ESS2: variants seen among roughly 807,000 people sequenced by gnomAD.
ESS2 encodes ess-2 spliceosome associated protein, also known as splicing factor ESS-2 homolog.
Under a neutral mutation model 52.0 loss-of-function variants are expected in ESS2, and 31 were observed. That is an observed-to-expected ratio of 0.60 (90% CI 0.45 to 0.81). The LOEUF (loss-of-function observed/expected upper bound fraction) is 0.81. Among genes scored for constraint, ESS2 ranks in the 30% least tolerant of loss-of-function variants. ESS2 has a pLI of 0.00. For synonymous variants in ESS2, 285 were observed against 259.2 expected (o/e 1.10, Z -0.95); for missense variants, 602 against 637.2 (o/e 0.94, Z 0.59).
chr22:19,130,980 C>T lies in ESS2; in HGVS notation c.*3216G>A, dbSNP rs1482112447. ...AAACCCACCCTAGTGGGACAAAGAC[C>T]AATGCAGGGTCAGTCCCCACAGCCA... On this transcript the variant is annotated 3_prime_UTR_variant, in exon 10 of 10. Coordinates refer to ENST00000252137, the MANE Select transcript of ESS2 (RefSeq NM_022719.3). 1 of 206,418 alleles carries T rather than the reference C, an allele frequency of 4.8e-6. No individual in the cohort carries two copies. Among genetic ancestry groups the T allele is most frequent in the African/African-American group, 2.3e-5 (1 of 42,750 alleles). 12.8% of individuals were successfully genotyped at this position (206,418 alleles called of 1,614,324 possible). A position where few individuals can be genotyped will look rare whatever the true frequency, so the allele number is the denominator to read the frequency against.
In ESS2 at chr22:19,133,639, A is replaced by G. The variant is rs561448605; in HGVS notation, c.*557T>C. On this transcript the variant is annotated 3_prime_UTR_variant, in exon 10 of 10. Coordinates refer to ENST00000252137, the MANE Select transcript of ESS2 (RefSeq NM_022719.3). ...GGCAAGCCCAGAGTGGAGGCTGCAG[A>G]CCTGGGCCCAGAACCGCAGGGGAAC... is the stretch of plus-strand genomic sequence containing the variant. 4.5e-4 allele frequency: 69 copies of G among 152,562 alleles called. No homozygotes were observed. Among genetic ancestry groups the G allele is most frequent in the Non-Finnish European group, 8.5e-4 (58 of 68,246 alleles). 9.5% of individuals were successfully genotyped at this position (152,562 alleles called of 1,614,324 possible).
At position 19,135,125 on chromosome 22, in the gene ESS2, C is replaced by T. The variant is rs1394464478; in HGVS notation, c.1086G>A (p.Glu362=). The change falls in exon 9 of 10, where the codon GAG becomes GAA. Residue 362 remains glutamate, a synonymous_variant. Coordinates refer to ENST00000252137, the MANE Select transcript of ESS2 (RefSeq NM_022719.3). ...TCTTGGCCCGGTTCTTGGCAGCGGC[C>T]TCGTTGGCCATCTTCAGACCCAGCC... ...RERLGLKMAN[E]AAAKNRAKKQ... 6.2e-7 allele frequency: 1 copy of T among 1,613,986 alleles called. No homozygotes were observed. Among genetic ancestry groups the T allele is most frequent in the African/African-American group, 1.3e-5 (1 of 74,950 alleles).
At position 19,139,896 on chromosome 22, in the gene ESS2, G is replaced by A. The variant is rs200014767; in HGVS notation, c.529C>T (p.Arg177Cys). The change falls in exon 4 of 10, where the codon CGC becomes TGC. Residue 177 changes from arginine to cysteine, a missense_variant. Arg to Cys is a radical substitution (Grantham distance 180). Transcript: ENST00000252137. Reference protein sequence around the residue: ...MEVAKERSRARHAWLYQAEEE... With the variant: ...MEVAKERSRACHAWLYQAEEE... ...TCAGCCTGGTAGAGCCAAGCGTGGC[G>A]TGCCCGGCTTCTCTCCTTGGCCACC... 1.4e-4 allele frequency: 219 copies of A among 1,614,010 alleles called. No individual in the cohort carries two copies. Among genetic ancestry groups the A allele is most frequent in the Admixed American group, 1.0e-4 (6 of 60,008 alleles).
rs2083498013 is a variant in ESS2 at position 19,130,640 on chromosome 22, T to C, written c.*3556A>G. ...CAGCTGCCTGTTCCCTTAACTTGTC[T>C]TCAGATTTTGTCGACCCGAGATGGG... is the stretch of plus-strand genomic sequence containing the variant. On this transcript the variant is annotated 3_prime_UTR_variant, in exon 10 of 10. Coordinates refer to ENST00000252137, the MANE Select transcript of ESS2 (RefSeq NM_022719.3). The C allele has an allele frequency of 9.4e-5, 31 of 331,218 alleles. No individual in the cohort carries two copies. Among genetic ancestry groups the C allele is most frequent in the South Asian group, 8.2e-4 (31 of 38,006 alleles). The allele number at this position is 331,218 out of a possible 1,614,324, so 20.5% of individuals were successfully genotyped here.
At chr22:19,144,029 A>C (rs2083741494) in intron 1 of ESS2, 1 of 990,000 alleles carries the variant, frequency 1.0e-6, no homozygotes, top group African/African-American at 1.7e-5. Context: ...AGGTGTCCCG[A>C]ATTAAACAGG....
intron 1 of ESS2, chr22:19,144,041 C>G: frequency 7.0e-6 from 7 of 996,310 alleles, no homozygotes; most frequent in Non-Finnish European, 8.4e-6. Flanking sequence ...TTAAACAGGT[C>G]TAAAACCAAA....
rs1023657467 is a variant in ESS2 at position 19,132,614 on chromosome 22, T to C, written c.*1582A>G. On this transcript the variant is annotated 3_prime_UTR_variant, in exon 10 of 10. Transcript: ENST00000252137. The surrounding 1 kb of genome is among the most constrained non-coding windows in gnomAD (Gnocchi z 4.2). ...GTAAAATTCGTCAATTAAACCACTA[T>C]TTTGATTACGTTCCATTAGCTTTCT... The C allele has an allele frequency of 5.9e-6, 5 of 845,632 alleles. No homozygotes were observed. The South Asian group carries it at 8.4e-5, about 14-fold the overall frequency. 52.4% of individuals were successfully genotyped at this position (845,632 alleles called of 1,614,324 possible). A position where few individuals can be genotyped will look rare whatever the true frequency, so the allele number is the denominator to read the frequency against.
chr22:19,144,131 G>A (rs2083743396), intron 1 of ESS2: 3 of 1,044,178 alleles, frequency 2.9e-6, no homozygotes, highest in African/African-American at 3.4e-5. Flanking sequence ...CACTCGAGAT[G>A]CTGTCACAAC....
At position 19,131,210 on chromosome 22, in the gene ESS2, C is replaced by G. The variant is rs1173122385; in HGVS notation, c.*2986G>C. 1.7e-6 allele frequency: 1 copy of G among 590,808 alleles called. No individual in the cohort carries two copies. The highest frequency in any genetic ancestry group is 2.8e-5 in the East Asian group (1 of 35,266). 36.6% of individuals were successfully genotyped at this position (590,808 alleles called of 1,614,324 possible). A position where few individuals can be genotyped will look rare whatever the true frequency, so the allele number is the denominator to read the frequency against. ...TTCTCCCTCAGCCCAGTCCCCGCCC[C>G]CACTCCTTGGCTTTATGAGTTCATT... On this transcript the variant is annotated 3_prime_UTR_variant, in exon 10 of 10. Transcript: ENST00000252137. This position sits in a 1 kb window ranked among gnomAD's most constrained non-coding sequence, Gnocchi z 5.7.
rs753942362 is a variant in ESS2 at position 19,132,398 on chromosome 22, G to A, written c.*1798C>T. The A allele has an allele frequency of 1.9e-6, 3 of 1,613,024 alleles. No individual in the cohort carries two copies. The highest frequency in any genetic ancestry group is 1.7e-5 in the Admixed American group (1 of 59,994). On this transcript the variant is annotated 3_prime_UTR_variant, in exon 10 of 10. Transcript: ENST00000252137. This position sits in a 1 kb window ranked among gnomAD's most constrained non-coding sequence, Gnocchi z 4.2. The stretch of plus-strand genomic sequence containing the variant: ...TGGTGCCCGAGAACGAGAACAGGAT[G>A]GAGGACAGGCTGGCCGAGACCTCCA...
In ESS2 at chr22:19,139,709, T is replaced by G. The variant is rs182094450; in HGVS notation, c.591A>C (p.Glu197Asp). 24 of 1,613,924 alleles carry G rather than the reference T, an allele frequency of 1.5e-5. No homozygotes were observed. The highest frequency in any genetic ancestry group is 2.0e-5 in the Non-Finnish European group (24 of 1,179,988). Residue 197 changes from glutamate to aspartate, a missense_variant, in exon 5 of 10, where the codon GAA becomes GAC. Transcript: ENST00000252137. Reference protein sequence around the residue: ...EFEKRQKDNLELPSAEHQAIE... With the variant: ...EFEKRQKDNLDLPSAEHQAIE... ...TGGCCTGGTGCTCTGCTGACGGGAG[T>G]TCGAGATTATCTTTCTGCCTCTGCA...
chr22:19,138,945 C>T (rs1037761479), intron 6 of ESS2, among the ~76,000 whole-genome samples: 1 of 152,218 alleles, frequency 6.6e-6, no homozygotes, highest in Non-Finnish European at 1.5e-5. Context: ...AGGGAGCTGG[C>T]ACAGATCTGG....
At position 19,139,891 on chromosome 22, in the gene ESS2, G is replaced by A. The variant is rs149239809; in HGVS notation, c.534C>T (p.His178=). The A allele has an allele frequency of 2.5e-3, 4,001 of 1,614,128 alleles. 9 individuals are homozygous for A. The highest frequency in any genetic ancestry group is 3.1e-3 in the Admixed American group (189 of 60,020). ...CTTCCTCAGCCTGGTAGAGCCAAGC[G>A]TGGCGTGCCCGGCTTCTCTCCTTGG... is the stretch of plus-strand genomic sequence containing the variant. The part of the protein sequence containing the change: ...EVAKERSRAR[H]AWLYQAEEEF... The change falls in exon 4 of 10, where the codon CAC becomes CAT. Residue 178 remains histidine (H), a synonymous_variant. Coordinates refer to ENST00000252137, the MANE Select transcript of ESS2 (RefSeq NM_022719.3).
Position 19,132,333 on chromosome 22 carries a change from G to T in ESS2, c.*1863C>A. The T allele has an allele frequency of 3.7e-6, 6 of 1,612,856 alleles. No homozygotes were observed. Among genetic ancestry groups the T allele is most frequent in the South Asian group, 1.1e-5 (1 of 91,046 alleles). On this transcript the variant is annotated 3_prime_UTR_variant, in exon 10 of 10. Transcript: ENST00000252137. The surrounding 1 kb of genome is among the most constrained non-coding windows in gnomAD (Gnocchi z 4.2). Reference sequence around the variant, plus strand: ...AGGCTTGAGGCCCGACCACCGGCCCGACCACAAGCTTGGAGCCAAAACCCA... The same window carrying T: ...AGGCTTGAGGCCCGACCACCGGCCCTACCACAAGCTTGGAGCCAAAACCCA...
In ESS2 at chr22:19,139,733, C is replaced by T; in HGVS notation, c.571-4G>A. The T allele has an allele frequency of 6.2e-7, 1 of 1,614,224 alleles. No individual in the cohort carries two copies. The highest frequency in any genetic ancestry group is 8.5e-7 in the Non-Finnish European group (1 of 1,180,020). On this transcript the variant is annotated splice_region_variant and splice_polypyrimidine_tract_variant and intron_variant, in intron 4 of 9. Coordinates refer to ENST00000252137, the MANE Select transcript of ESS2 (RefSeq NM_022719.3). ...GTTCGAGATTATCTTTCTGCCTCTG[C>T]AATCACATGGGGAAAAGTGATGGTC...
chr22:19,144,223 G>A (rs895186614), intron 1 of ESS2: 1 of 1,197,442 alleles, frequency 8.4e-7, no homozygotes, highest in East Asian at 3.9e-5. Flanking sequence ...CATCCTTCCA[G>A]TTTGTCAAAC....
intron 8 of ESS2, among the ~76,000 whole-genome samples, chr22:19,136,087 C>T (rs927057821): frequency 2.1e-4 from 32 of 149,224 alleles, no homozygotes; most frequent in African/African-American, 7.7e-4. Flanking sequence ...CGCCTGTAAT[C>T]CCAGCACTTT....
At chr22:19,143,181 G>A (rs903179560) in intron 1 of ESS2, among the ~76,000 whole-genome samples, 3 of 147,978 alleles carry the variant, frequency 2.0e-5, no homozygotes, top group African/African-American at 7.6e-5. Flanking sequence ...CTCCAGCCTG[G>A]GCGACAGAGC....
chr22:19,136,046 A>G (rs1182351890), intron 8 of ESS2, among the ~76,000 whole-genome samples: 1 of 149,938 alleles, frequency 6.7e-6, no homozygotes, highest in East Asian at 2.0e-4. Context: ...AAAAAAAAAA[A>G]AAAAAAAAAG....
Sources: allele counts gnomAD v4.1 joint callset (sites outside exome capture counted in the v4.1 genomes callset), GRCh38; gene constraint gnomAD v4.1.1; non-coding constraint Gnocchi (gnomAD v3.1); transcripts MANE v1.5; gene names NCBI Gene and HGNC (gene_info 2026-07-23, HGNC 2026-07-21).